The following SNTG2 variants were observed in gnomAD, a reference collection of about 807,000 sequenced individuals.
SNTG2 encodes the protein gamma-2-syntrophin.
Under a neutral mutation model 70.9 loss-of-function variants are expected in SNTG2, and 74 were observed. The ratio of observed to expected loss-of-function variants is 1.04; its 90% CI spans 0.86 to 1.27. The LOEUF (loss-of-function observed/expected upper bound fraction) is 1.27. Ranked by LOEUF, SNTG2 falls within the 50% of genes most tolerant of loss-of-function variation. The pLI is 0.00. For missense variants in SNTG2, 717 were observed against 690.7 expected, an observed-to-expected ratio of 1.04 and a Z score of -0.43; for synonymous variants, 278 against 273.8, an observed-to-expected ratio of 1.02 and a Z score of -0.15.
rs1035567478 is a variant in SNTG2 at position 990,861 on chromosome 2, G to GA, written c.72+39804dup. Among the ~76,000 whole-genome samples the GA allele has an allele frequency of 1.4e-3, 190 of 137,440 alleles. 1 individual carries two copies. In the Middle Eastern group the frequency reaches 0.016, roughly 11 times the overall value. 90.2% of individuals were successfully genotyped at this position (137,440 alleles called of 152,430 possible). A position where few individuals can be genotyped will look rare whatever the true frequency, so the allele number is the denominator to read the frequency against. On this transcript the variant is annotated intron_variant, in intron 1 of 16. Transcript: ENST00000308624. ...GGGAAAAGTTGGCACCCTTTTCTTA[G>GA]AAAAAAAAAAAGAATGAGAAAATTC...
intron 6 of SNTG2, among the ~76,000 whole-genome samples, chr2:1,139,269 C>T (rs1213277585): frequency 6.6e-6 from 1 of 152,126 alleles, no homozygotes; most frequent in African/African-American, 2.4e-5. Flanking sequence ...CTTGTTCTGT[C>T]GCCCAGTGTA....
intron 8 of SNTG2, among the ~76,000 whole-genome samples, chr2:1,181,236 G>A (rs1341911316): frequency 2.0e-5 from 3 of 151,114 alleles, no homozygotes; most frequent in East Asian, 1.9e-4. Context: ...AATAAATAAA[G>A]CATTGTGGTT....
At chr2:1,077,972 C>T (rs1388355479) in intron 1 of SNTG2, among the ~76,000 whole-genome samples, 2 of 152,148 alleles carry the variant, frequency 1.3e-5, no homozygotes, top group Non-Finnish European at 2.9e-5. Context: ...GCTGCTGTGG[C>T]ATCGTGGTGG....
At chr2:1,342,482 G>A (rs1448305178) in intron 16 of SNTG2, among the ~76,000 whole-genome samples, 4 of 34,740 alleles carry the variant, frequency 1.2e-4, no homozygotes, top group Non-Finnish European at 2.1e-4. Flanking sequence ...CTTTTCCCCT[G>A]TTCTGGGCAC....
At chr2:1,336,447 C>T (rs578022922) in intron 16 of SNTG2, among the ~76,000 whole-genome samples, 6 of 152,152 alleles carry the variant, frequency 3.9e-5, no homozygotes, top group Admixed American at 2.6e-4. Context: ...TATTGCTGTG[C>T]GGACACTGTT....
rs181713603 is a variant in SNTG2 at position 1,267,084 on chromosome 2, C to T, written c.1078-281C>T. On this transcript the variant is annotated intron_variant, in intron 13 of 16. Transcript: ENST00000308624. ...CCACACCCAGCTTCATCTTTCTCTT[C>T]ACCGTAAAACAGGAAAGTGTGTGGT... Among the ~76,000 whole-genome samples, 26 of 152,276 alleles carry T rather than the reference C, an allele frequency of 1.7e-4. No homozygotes were observed. In the East Asian group the frequency reaches 5.0e-3, roughly 29 times the overall value.
chr2:1,197,533 G>GTATGTATATA (rs1673000218), intron 8 of SNTG2, among the ~76,000 whole-genome samples: 1 of 148,220 alleles, frequency 6.7e-6, no homozygotes, highest in African/African-American at 2.5e-5. Flanking sequence ...GTGTGTGTGT[G>GTATGTATATA]TGTGTGTGTG....
chr2:1,185,793 A>C (rs543898940), intron 8 of SNTG2, among the ~76,000 whole-genome samples: 21 of 152,286 alleles, frequency 1.4e-4, no homozygotes, highest in East Asian at 9.7e-4. Flanking sequence ...GACTGCTAAG[A>C]AGGTCCCTGA....
chr2:1,148,338 C>A (rs1669235207), intron 6 of SNTG2, among the ~76,000 whole-genome samples: 1 of 152,208 alleles, frequency 6.6e-6, no homozygotes, highest in Non-Finnish European at 1.5e-5. Flanking sequence ...GAGGGCCTGG[C>A]AGCTTTTCAT....
At chr2:1,031,528 A>ATATATATATATATATATATTTT in intron 1 of SNTG2, among the ~76,000 whole-genome samples, 6 of 59,110 alleles carry the variant, frequency 1.0e-4, no homozygotes, top group Admixed American at 4.2e-4. Flanking sequence ...ATATATATAT[A>ATATATATATATATATATATTTT]TTTTTTTTTT....
At chr2:972,741 AC>A (rs895289595) in intron 1 of SNTG2, among the ~76,000 whole-genome samples, 1 of 151,296 alleles carries the variant, frequency 6.6e-6, no homozygotes, top group African/African-American at 2.4e-5. Context: ...GTGTGTAGCA[AC>A]CCCACCCCTT....
At chr2:956,670 C>T (rs916965680) in intron 1 of SNTG2, among the ~76,000 whole-genome samples, 4 of 152,232 alleles carry the variant, frequency 2.6e-5, no homozygotes, top group African/African-American at 9.6e-5. Flanking sequence ...GCTGTGAGCC[C>T]GTGGAGGGGC....
chr2:1,167,592 A>ACTGAAGCCTACAG (rs1670813903), intron 7 of SNTG2, among the ~76,000 whole-genome samples: 1 of 98,880 alleles, frequency 1.0e-5, no homozygotes, highest in African/African-American at 4.1e-5. Context: ...GAAGCCTAGA[A>ACTGAAGCCTACAG]GCCGCCCACA....
At chr2:1,197,515 A>ATGTGTGTGTGTGTGTGTGTGTGTGTGTG (rs71299845) in intron 8 of SNTG2, among the ~76,000 whole-genome samples, 1 of 128,322 alleles carries the variant, frequency 7.8e-6, no homozygotes, top group East Asian at 2.8e-4. Context: ...ATGTATATAT[A>ATGTGTGTGTGTGTGTGTGTGTGTGTGTG]TGTGTGTGTG....
At chr2:1,209,896 A>C (rs1041028484) in intron 9 of SNTG2, among the ~76,000 whole-genome samples, 1 of 152,010 alleles carries the variant, frequency 6.6e-6, no homozygotes, top group African/African-American at 2.4e-5. Flanking sequence ...TTTTTAATTG[A>C]GCACTGTACT....
At position 1,187,561 on chromosome 2, in the gene SNTG2, C is replaced by A. The variant is rs375681082; in HGVS notation, c.591+14378C>A. The stretch of plus-strand genomic sequence containing the variant: ...AAGCAGTCCCTTAAAATAAATTTAT[C>A]TCTCTACACACACAAACACACACAC... On this transcript the variant is annotated intron_variant, in intron 8 of 16. Transcript: ENST00000308624. 2.6e-5 allele frequency among the ~76,000 whole-genome samples: 4 copies of A among 152,118 alleles called. No homozygotes were observed. In the East Asian group the frequency reaches 7.7e-4, roughly 29 times the overall value.
intron 7 of SNTG2, among the ~76,000 whole-genome samples, chr2:1,168,289 G>A (rs1050042618): frequency 3.3e-5 from 5 of 151,418 alleles, no homozygotes; most frequent in Non-Finnish European, 5.9e-5. Context: ...CCTAGAAGCC[G>A]CCCACAGACG....
intron 1 of SNTG2, among the ~76,000 whole-genome samples, chr2:991,503 C>T (rs1661491094): frequency 6.6e-6 from 1 of 151,988 alleles, no homozygotes; most frequent in Non-Finnish European, 1.5e-5. Flanking sequence ...TAATACTTTA[C>T]TAATCCTCCT....
At chr2:972,837 C>T (rs1291445857) in intron 1 of SNTG2, among the ~76,000 whole-genome samples, 1 of 152,166 alleles carries the variant, frequency 6.6e-6, no homozygotes, top group East Asian at 1.9e-4. Flanking sequence ...TCCCCAGAAG[C>T]AGAAGCCACT....
Sources: gnomAD v4.1 joint callset for allele counts (sites outside exome capture counted in the v4.1 genomes callset) on GRCh38, gnomAD v4.1.1 for gene constraint, MANE v1.5 for transcripts, NCBI Gene and HGNC (gene_info 2026-07-23, HGNC 2026-07-21) for gene names.